Variants in ENOSF1 observed in about 807,000 individuals in gnomAD.
The protein encoded by ENOSF1 is mitochondrial enolase superfamily member 1.
ENOSF1 carries 73 observed loss-of-function variants against 68.2 expected under a neutral mutation model. That is an observed-to-expected ratio of 1.07 (90% CI 0.89 to 1.30). The LOEUF is 1.30. ENOSF1 is among the 50% of genes most tolerant of loss of function. The probability of loss-of-function intolerance (pLI) is 0.00; values close to 1 mark genes in which losing one functional copy is unlikely to be tolerated. For missense variants in ENOSF1, 589 were observed against 554.5 expected (o/e 1.06, Z -0.62); for synonymous variants, 223 against 210.4 (o/e 1.06, Z -0.52).
In ENOSF1 at chr18:698,614, T is replaced by C. The variant is rs1191960425; in HGVS notation, c.194-1259A>G. The stretch of plus-strand genomic sequence containing the variant: ...GGCATTACCATCAATTATTTATTTT[T>C]GGTACCTTTAATTATTATTTTTTAG... On this transcript the variant is annotated intron_variant, in intron 2 of 15. Transcript: ENST00000647584. 2.1e-5 allele frequency among the ~76,000 whole-genome samples: 3 copies of C among 140,308 alleles called. No homozygotes were observed. The East Asian group carries it at 5.8e-4, about 27-fold the overall frequency. 92.0% of individuals were successfully genotyped at this position (140,308 alleles called of 152,430 possible). A position where few individuals can be genotyped will look rare whatever the true frequency, so the allele number is the denominator to read the frequency against.
rs1019504442 is a variant in ENOSF1 at position 670,768 on chromosome 18, G to A, written c.*3537C>T. ...TGGTGAACAGTGAGCTGTCCTGCCA[G>A]CTGTACCAGAGATCGGGAGACATGG... On this transcript the variant is annotated 3_prime_UTR_variant, in exon 16 of 16. Coordinates refer to ENST00000647584, the MANE Select transcript of ENOSF1 (RefSeq NM_017512.7). 6.2e-7 allele frequency: 1 copy of A among 1,614,050 alleles called. No individual in the cohort carries two copies. Among genetic ancestry groups the A allele is most frequent in the African/African-American group, 1.3e-5 (1 of 74,902 alleles).
chr18:693,447 T>A, intron 5 of ENOSF1: 1 of 984,686 alleles, frequency 1.0e-6, no homozygotes, highest in Non-Finnish European at 1.2e-6. Flanking sequence ...AGTATTGGGA[T>A]TACAGGCTTG....
chr18:691,875 T>A (rs995513392), intron 5 of ENOSF1: 1 of 134,982 alleles, frequency 7.4e-6, no homozygotes, highest in African/African-American at 2.8e-5. Flanking sequence ...AGGCAAACAC[T>A]CAGCAGGAGC....
Position 670,485 on chromosome 18 carries a change from C to G in ENOSF1, c.*3820G>C. On this transcript the variant is annotated 3_prime_UTR_variant, in exon 16 of 16. Coordinates refer to ENST00000647584, the MANE Select transcript of ENOSF1 (RefSeq NM_017512.7). ...CATTGCTTCAGCCGTAAATGGACAC[C>G]TGCAGAAACCTTGCACCGATGGATA... The G allele has an allele frequency of 1.8e-6, 1 of 566,102 alleles. No individual in the cohort carries two copies. The highest frequency in any genetic ancestry group is 3.2e-5 in the Admixed American group (1 of 31,078). The allele number at this position is 566,102 out of a possible 1,614,324, so 35.1% of individuals were successfully genotyped here. A position where few individuals can be genotyped will look rare whatever the true frequency, so the allele number is the denominator to read the frequency against.
chr18:669,446 C>T (rs188866936), downstream of ENOSF1: 3 of 285,956 alleles, frequency 1.0e-5, no homozygotes, highest in East Asian at 6.4e-5. Context: ...GATCTTGGCT[C>T]ACTGTAACCT....
rs1182668843 is a variant in ENOSF1 at position 670,396 on chromosome 18, T to C, written c.*3909A>G. The C allele has an allele frequency of 3.3e-6, 1 of 301,970 alleles. No individual in the cohort carries two copies. The highest frequency in any genetic ancestry group is 6.2e-6 in the Non-Finnish European group (1 of 161,972). 18.7% of individuals were successfully genotyped at this position (301,970 alleles called of 1,614,324 possible). On this transcript the variant is annotated 3_prime_UTR_variant, in exon 16 of 16. Transcript: ENST00000647584. ...AGTTTCCTGTGGCAAACAGAATTAT[T>C]CCTGCTGTATTTGTAATCTGGTGCC...
At chr18:676,255 T>C (rs1330628202) in intron 14 of ENOSF1, among the ~76,000 whole-genome samples, 1 of 152,170 alleles carries the variant, frequency 6.6e-6, no homozygotes, top group African/African-American at 2.4e-5. Context: ...CAGGCTGATA[T>C]GGTTTGGATT....
At chr18:702,889 CCTCT>C (rs1381850277) in intron 2 of ENOSF1, among the ~76,000 whole-genome samples, 3 of 152,058 alleles carry the variant, frequency 2.0e-5, no homozygotes, top group African/African-American at 4.8e-5. Flanking sequence ...AACAACCCTC[CCTCT>C]CTGTCTCACA....
chr18:674,325 G>C lies in ENOSF1; in HGVS notation c.1312C>G (p.Leu438Val), dbSNP rs111447271. ...YPDGEVWKKL[L>V]PAQEN Reference sequence around the variant, plus strand: ...AGCACTTAATTTTCTTGAGCAGGAAGGAGTTTCTTCCAAACTTCACCATCT... The same window carrying C: ...AGCACTTAATTTTCTTGAGCAGGAACGAGTTTCTTCCAAACTTCACCATCT... Residue 438 changes from leucine to valine, a missense_variant, in exon 16 of 16, where the codon CTT (leucine) becomes GTT (valine). Leu to Val is a conservative substitution (Grantham distance 32, BLOSUM62 1). Coordinates refer to ENST00000647584, the MANE Select transcript of ENOSF1 (RefSeq NM_017512.7). 1.3e-5 allele frequency: 21 copies of C among 1,610,476 alleles called. No homozygotes were observed. Among genetic ancestry groups the C allele is most frequent in the Middle Eastern group, 3.3e-4 (2 of 6,076 alleles).
At chr18:698,619 C>A (rs2077996633) in intron 2 of ENOSF1, among the ~76,000 whole-genome samples, 1 of 128,702 alleles carries the variant, frequency 7.8e-6, no homozygotes, top group Non-Finnish European at 1.7e-5. Context: ...ATTTTTGGTA[C>A]CTTTAATTAT....
chr18:666,891 A>AGATGAGT (rs1555639480), downstream of ENOSF1, among the ~76,000 whole-genome samples: 18 of 62,148 alleles, frequency 2.9e-4, 1 homozygote, highest in African/African-American at 1.6e-3. Flanking sequence ...AAAGTTCGGG[A>AGATGAGT]GATGGTGATG....
At chr18:664,337 A>G in the ENOSF1 span, among the ~76,000 whole-genome samples, 1 of 149,986 alleles carries the variant, frequency 6.7e-6, no homozygotes. Flanking sequence ...TTGGTGTATA[A>G]GAATGCTTGT....
chr18:695,960 G>A (rs1382966161), intron 3 of ENOSF1, among the ~76,000 whole-genome samples: 1 of 152,164 alleles, frequency 6.6e-6, no homozygotes, highest in Non-Finnish European at 1.5e-5. Flanking sequence ...CCTTCTCAGT[G>A]CATGGATGGG....
chr18:691,715 TGA>T, intron 5 of ENOSF1: 1 of 164,062 alleles, frequency 6.1e-6, no homozygotes, highest in Non-Finnish European at 1.3e-5. Flanking sequence ...TTAAATTGTT[TGA>T]CTCTGTCATT....
Position 678,688 on chromosome 18 carries a change from T to C in ENOSF1, c.918+8A>G. 2 of 1,613,770 alleles carry C rather than the reference T, an allele frequency of 1.2e-6. No homozygotes were observed. The highest frequency in any genetic ancestry group is 8.5e-7 in the Non-Finnish European group (1 of 1,179,944). On this transcript the variant is annotated splice_region_variant and intron_variant, in intron 12 of 15. Transcript: ENST00000647584. ...GGACGTCATCCACCTGTTGGGGGCG[T>C]CACTCACCTGTTCTCCTGTGGCAAT...
chr18:697,427 C>CAAATGTGA (rs1598734238), intron 2 of ENOSF1, 72 bp from the exon 3 acceptor site: 34 of 1,121,096 alleles, frequency 3.0e-5, no homozygotes, highest in East Asian at 1.7e-4. Context: ...GAAAACATCA[C>CAAATGTGA]AAACAAACAA....
intron 1 of ENOSF1, among the ~76,000 whole-genome samples, chr18:710,441 AAAGTC>A (rs1261897964): frequency 1.3e-5 from 2 of 152,182 alleles, no homozygotes; most frequent in African/African-American, 2.4e-5. Flanking sequence ...TCACAAATTC[AAAGTC>A]AAGTCTAGAT....
chr18:666,378 T>C (rs1254066973), downstream of ENOSF1, among the ~76,000 whole-genome samples: 1 of 152,004 alleles, frequency 6.6e-6, no homozygotes, highest in African/African-American at 2.4e-5. Context: ...AGTGCCAGGG[T>C]CACACTCCAC....
intron 10 of ENOSF1, among the ~76,000 whole-genome samples, chr18:684,704 T>C (rs2076450899): frequency 6.6e-6 from 1 of 152,036 alleles, no homozygotes; most frequent in Non-Finnish European, 1.5e-5. Flanking sequence ...CCACTATCCT[T>C]CTTGGAAGCC....
Sources: gnomAD v4.1 joint callset for allele counts (sites outside exome capture counted in the v4.1 genomes callset) on GRCh38, gnomAD v4.1.1 for gene constraint, MANE v1.5 for transcripts, NCBI Gene and HGNC (gene_info 2026-07-23, HGNC 2026-07-21) for gene names.